The following LARP4 variants were observed in gnomAD, a reference collection of about 807,000 sequenced individuals.
The protein encoded by LARP4 is La ribonucleoprotein 4.
Under a neutral mutation model 92.9 loss-of-function variants are expected in LARP4, and 29 were observed. The ratio of observed to expected loss-of-function variants is 0.31; its 90% CI spans 0.23 to 0.43. The LOEUF is 0.43. Among genes scored for constraint, LARP4 ranks in the 20% least tolerant of loss-of-function variants. The probability of loss-of-function intolerance (pLI) is 1.00; values close to 1 mark genes in which losing one functional copy is unlikely to be tolerated. For synonymous variants in LARP4, 279 were observed against 284.1 expected (o/e 0.98, Z 0.18); for missense variants, 732 against 860.0 (o/e 0.85, Z 1.86).
At chr12:50,455,882 A>G (rs563414753) in intron 10 of LARP4, among the ~76,000 whole-genome samples, 5 of 152,224 alleles carry the variant, frequency 3.3e-5, no homozygotes, top group South Asian at 2.1e-4. Context: ...CATCATCTCT[A>G]CCAAAAATAC....
chr12:50,401,043 C>A lies in LARP4; in HGVS notation c.18+15C>A, dbSNP rs760123259. 9.3e-6 allele frequency: 15 copies of A among 1,613,976 alleles called. No homozygotes were observed. The South Asian group carries it at 1.5e-4, about 17-fold the overall frequency. Reference sequence around the variant, plus strand: ...TTTTCGTGGAGGTGAGTGCATTATGCTAGTCTCGTCCTGCTCTTAGGAGAG... The same window carrying A: ...TTTTCGTGGAGGTGAGTGCATTATGATAGTCTCGTCCTGCTCTTAGGAGAG... On this transcript the variant is annotated intron_variant, in intron 1 of 15. Coordinates refer to ENST00000398473, the MANE Select transcript of LARP4 (RefSeq NM_052879.5).
chr12:50,401,480 G>T (rs1354798573), intron 1 of LARP4, among the ~76,000 whole-genome samples: 2 of 152,190 alleles, frequency 1.3e-5, no homozygotes, highest in Non-Finnish European at 2.9e-5. Flanking sequence ...GTGAAATGCG[G>T]TAAGTATTTT....
intron 13 of LARP4, 26 bp downstream of exon 13, chr12:50,467,146 C>A (rs2138917109): frequency 6.5e-7 from 1 of 1,547,790 alleles, no homozygotes; most frequent in Non-Finnish European, 8.8e-7. Flanking sequence ...CTGAGTCTTA[C>A]CTTATGAGAC....
chr12:50,431,015 C>T (rs1949573272), intron 4 of LARP4, among the ~76,000 whole-genome samples: 1 of 152,120 alleles, frequency 6.6e-6, no homozygotes, highest in Admixed American at 6.6e-5. Context: ...TGCCTGTAAT[C>T]CCAGCACTTT....
intron 8 of LARP4, among the ~76,000 whole-genome samples, chr12:50,443,001 A>G (rs1951461871): frequency 6.6e-6 from 1 of 152,188 alleles, no homozygotes; most frequent in African/African-American, 2.4e-5. Context: ...AGGCTTTTAT[A>G]AAGATATTCT....
intron 12 of LARP4, among the ~76,000 whole-genome samples, chr12:50,464,929 A>G (rs2138829231): frequency 6.6e-6 from 1 of 151,480 alleles, no homozygotes; most frequent in Admixed American, 6.6e-5. Context: ...ACCTCAGGTG[A>G]TCCACCTGCC....
chr12:50,434,705 C>T (rs1451788738), intron 4 of LARP4, among the ~76,000 whole-genome samples: 2 of 151,802 alleles, frequency 1.3e-5, no homozygotes, highest in Non-Finnish European at 2.9e-5. Context: ...CCGCACCCAG[C>T]CAATGTGTGT....
At position 50,443,851 on chromosome 12, in the gene LARP4, G is replaced by A. The variant is rs549904778; in HGVS notation, c.804+2208G>A. Among the ~76,000 whole-genome samples, 124 of 151,810 alleles carry A rather than the reference G, an allele frequency of 8.2e-4. 3 individuals carry two copies. The East Asian group carries it at 0.023, about 28-fold the overall frequency. ...TGCTCTCGAACTCCTGACCTCAGGT[G>A]ATCCACCCACCTCGGCCTCCCAAAG... On this transcript the variant is annotated intron_variant, in intron 8 of 15. Coordinates refer to ENST00000398473, the MANE Select transcript of LARP4 (RefSeq NM_052879.5).
chr12:50,424,977 T>C (rs1448120929), intron 1 of LARP4, among the ~76,000 whole-genome samples: 5 of 151,960 alleles, frequency 3.3e-5, no homozygotes, highest in Non-Finnish European at 7.4e-5. Flanking sequence ...TGAAACCCTG[T>C]CTCTACTAAA....
In LARP4 at chr12:50,410,283, A is replaced by G. The variant is rs878903892; in HGVS notation, c.18+9255A>G. 4.0e-5 allele frequency among the ~76,000 whole-genome samples: 6 copies of G among 151,820 alleles called. 1 individual carries two copies. The highest frequency in any genetic ancestry group is 3.9e-4 in the Admixed American group (6 of 15,202). ...GAGACAGGGTCTTGCTATGTTGGCTAGGCTGGTTTGAACTCCTGGCCTCAA... is the reference window on the plus strand; with the variant it reads ...GAGACAGGGTCTTGCTATGTTGGCTGGGCTGGTTTGAACTCCTGGCCTCAA... On this transcript the variant is annotated intron_variant, in intron 1 of 15. Transcript: ENST00000398473.
intron 1 of LARP4, among the ~76,000 whole-genome samples, chr12:50,409,915 C>T (rs1305391937): frequency 6.6e-6 from 1 of 151,792 alleles, no homozygotes; most frequent in Non-Finnish European, 1.5e-5. Context: ...GCCTCAGCCT[C>T]CTGAGTAGCT....
chr12:50,415,776 C>T (rs1946672736), intron 1 of LARP4: 1 of 151,308 alleles, frequency 6.6e-6, no homozygotes, highest in Non-Finnish European at 1.5e-5. Flanking sequence ...GTAACCTCCA[C>T]CTCCCAGGTT....
At chr12:50,435,714 GC>G in intron 5 of LARP4, 90 bp downstream of exon 5, 3 of 889,280 alleles carry the variant, frequency 3.4e-6, no homozygotes, top group East Asian at 2.8e-5. Context: ...TATTTTTACT[GC>G]CCCCTCCCCA....
At chr12:50,472,723 G>A (rs760110492) in intron 13 of LARP4, among the ~76,000 whole-genome samples, 4 of 152,034 alleles carry the variant, frequency 2.6e-5, no homozygotes. Flanking sequence ...TGTTGTCCAA[G>A]GCTGGTCTTG....
At chr12:50,412,087 T>C (rs1267097885) in intron 1 of LARP4, among the ~76,000 whole-genome samples, 2 of 152,190 alleles carry the variant, frequency 1.3e-5, no homozygotes, top group African/African-American at 4.8e-5. Context: ...GTCTGTAAAA[T>C]GTGGATGATA....
Position 50,418,810 on chromosome 12 carries a change from C to A in LARP4, c.19-8952C>A, listed in dbSNP as rs532517302. On this transcript the variant is annotated intron_variant, in intron 1 of 15. Coordinates refer to ENST00000398473, the MANE Select transcript of LARP4 (RefSeq NM_052879.5). ...CTTGGCTCACTGTAGCCTCAGTCTC[C>A]CAGACTCAAGCAATCCTCCAGCCTT... 1.1e-4 allele frequency among the ~76,000 whole-genome samples: 16 copies of A among 152,242 alleles called. No homozygotes were observed. In the East Asian group the frequency reaches 2.9e-3, roughly 28 times the overall value.
chr12:50,418,343 A>G (rs1947200482), intron 1 of LARP4, among the ~76,000 whole-genome samples: 2 of 152,232 alleles, frequency 1.3e-5, no homozygotes, highest in Admixed American at 1.3e-4. Context: ...GAAGGATTAC[A>G]TAATTATTGG....
intron 1 of LARP4, among the ~76,000 whole-genome samples, chr12:50,410,510 A>G (rs1470490271): frequency 6.7e-6 from 1 of 148,850 alleles, no homozygotes; most frequent in Non-Finnish European, 1.5e-5. Context: ...GGTTCACGCC[A>G]TTCTCCTGCC....
At chr12:50,458,213 A>G (rs1203744666) in intron 10 of LARP4, among the ~76,000 whole-genome samples, 1 of 152,032 alleles carries the variant, frequency 6.6e-6, no homozygotes, top group African/African-American at 2.4e-5. Context: ...TGCTGGGGTT[A>G]CAGATATGAG....
Sources: allele counts gnomAD v4.1 joint callset (sites outside exome capture counted in the v4.1 genomes callset), GRCh38; gene constraint gnomAD v4.1.1; transcripts MANE v1.5; gene names NCBI Gene and HGNC (gene_info 2026-07-23, HGNC 2026-07-21).